BABAM2: variants seen among roughly 807,000 people sequenced by gnomAD.
BABAM2 encodes the protein BRISC and BRCA1-A complex member 2.
A neutral mutation model predicts 54.7 loss-of-function variants in BABAM2; 31 were observed. The ratio of observed to expected loss-of-function variants is 0.57; its 90% confidence interval spans 0.43 to 0.77. BABAM2 has a LOEUF of 0.77. Ranked by LOEUF, BABAM2 falls within the 30% of genes least tolerant of loss-of-function variation. The pLI is 0.00. For synonymous variants in BABAM2, 167 were observed against 162.9 expected, an observed-to-expected ratio of 1.03 and a Z score of -0.19; for missense variants, 364 against 455.8, an observed-to-expected ratio of 0.80 and a Z score of 1.83.
intron 3 of BABAM2, among the ~76,000 whole-genome samples, chr2:27,968,613 G>A (rs1344974876): frequency 6.6e-6 from 1 of 152,208 alleles, no homozygotes; most frequent in African/African-American, 2.4e-5. Flanking sequence ...CTGACAGCTT[G>A]CACCATGTGC....
intron 6 of BABAM2, among the ~76,000 whole-genome samples, chr2:28,088,835 G>A (rs933423288): frequency 6.6e-6 from 1 of 152,106 alleles, no homozygotes; most frequent in Non-Finnish European, 1.5e-5. Flanking sequence ...TATACCCACT[G>A]TCATCTCGAT....
intron 10 of BABAM2, among the ~76,000 whole-genome samples, chr2:28,286,332 GTGTC>G (rs1686808311): frequency 6.6e-6 from 1 of 152,146 alleles, no homozygotes; most frequent in South Asian, 2.1e-4. Flanking sequence ...TTATAGGAAA[GTGTC>G]TGCCACACTG....
At chr2:27,932,418 G>A (rs1668162103) in intron 3 of BABAM2, among the ~76,000 whole-genome samples, 1 of 151,952 alleles carries the variant, frequency 6.6e-6, no homozygotes, top group Admixed American at 6.6e-5. Context: ...TTATATTTTT[G>A]TTTATCATAT....
chr2:28,306,717 GAC>G (rs985810348), intron 11 of BABAM2, among the ~76,000 whole-genome samples: 3 of 150,018 alleles, frequency 2.0e-5, no homozygotes, highest in Admixed American at 1.3e-4. Flanking sequence ...TTTTTTTTGA[GAC>G]AGAGTCTCAC....
At chr2:28,262,424 T>A (rs1472632994) in intron 10 of BABAM2, among the ~76,000 whole-genome samples, 2 of 151,962 alleles carry the variant, frequency 1.3e-5, no homozygotes, top group African/African-American at 2.4e-5. Flanking sequence ...AAAAAGACAG[T>A]CCAGGCAAAA....
At chr2:28,185,730 T>G (rs1206049044) in intron 7 of BABAM2, among the ~76,000 whole-genome samples, 1 of 152,040 alleles carries the variant, frequency 6.6e-6, no homozygotes, top group Non-Finnish European at 1.5e-5. Flanking sequence ...AAGAATTATT[T>G]TTTTTGCTCT....
intron 3 of BABAM2, among the ~76,000 whole-genome samples, chr2:27,947,690 C>T (rs1014611346): frequency 5.9e-5 from 9 of 152,104 alleles, no homozygotes; most frequent in Admixed American, 3.3e-4. Context: ...TAATTCCATG[C>T]CACAAAGATT....
intron 10 of BABAM2, among the ~76,000 whole-genome samples, chr2:28,254,379 C>T (rs1283318896): frequency 6.6e-6 from 1 of 152,146 alleles, no homozygotes; most frequent in Admixed American, 6.5e-5. Flanking sequence ...TCAGGTGATC[C>T]TCCCGCCTCG....
intron 11 of BABAM2, among the ~76,000 whole-genome samples, chr2:28,321,006 A>G (rs150793888): frequency 3.1e-4 from 48 of 152,390 alleles, no homozygotes; most frequent in African/African-American, 1.1e-3. Flanking sequence ...CAAATGTTAT[A>G]TATATACCTA....
chr2:28,321,729 A>C (rs933300749), intron 11 of BABAM2, among the ~76,000 whole-genome samples: 22 of 152,088 alleles, frequency 1.4e-4, no homozygotes, highest in South Asian at 4.2e-4. Context: ...CCCAGAAATC[A>C]CTCTAGGGAG....
At chr2:28,062,575 CA>C (rs200543877) in intron 6 of BABAM2, among the ~76,000 whole-genome samples, 85,444 of 134,706 alleles carry the variant, frequency 0.63, 27,855 homozygotes, top group Middle Eastern at 0.79. Context: ...AAAAAAAAAC[CA>C]AAAAAAAAAA....
chr2:28,169,311 G>A (rs989564634), intron 7 of BABAM2, among the ~76,000 whole-genome samples: 4 of 152,116 alleles, frequency 2.6e-5, no homozygotes, highest in African/African-American at 7.2e-5. Flanking sequence ...GCAATGTTTA[G>A]CTATTCTGGA....
intron 4 of BABAM2, among the ~76,000 whole-genome samples, chr2:28,000,293 G>A (rs943803698): frequency 3.3e-5 from 5 of 151,806 alleles, no homozygotes; most frequent in African/African-American, 4.8e-5. Context: ...TATTTTCCTT[G>A]TTTTTGATAA....
Position 28,329,753 on chromosome 2 carries a change from A to G in BABAM2, c.1089-8697A>G, listed in dbSNP as rs1187821553. Among the ~76,000 whole-genome samples, 1 of 152,240 alleles carries G rather than the reference A, an allele frequency of 6.6e-6. No individual in the cohort carries two copies. Among genetic ancestry groups the G allele is most frequent in the East Asian group, 1.9e-4 (1 of 5,202 alleles). ...TTTACAGCTGAATTCTACCAGAGGTACAAAGAGGATCTGGTACCGTTTCTT... is the reference window on the plus strand; with the variant it reads ...TTTACAGCTGAATTCTACCAGAGGTGCAAAGAGGATCTGGTACCGTTTCTT... On this transcript the variant is annotated intron_variant, in intron 11 of 11. Coordinates refer to ENST00000379624, the MANE Select transcript of BABAM2 (RefSeq NM_199191.3). This position sits in a 1 kb window ranked among gnomAD's most constrained non-coding sequence, Gnocchi z 4.2.
chr2:28,122,074 G>A (rs2148752260), intron 6 of BABAM2, among the ~76,000 whole-genome samples: 1 of 152,140 alleles, frequency 6.6e-6, no homozygotes, highest in South Asian at 2.1e-4. Flanking sequence ...AAATTAGCTG[G>A]CCATGGTGGC....
intron 3 of BABAM2, among the ~76,000 whole-genome samples, chr2:27,983,432 G>C (rs1015704699): frequency 1.3e-5 from 2 of 151,928 alleles, no homozygotes; most frequent in African/African-American, 4.8e-5. Flanking sequence ...TATTTCTTTG[G>C]CTATTTGCAT....
chr2:28,171,696 C>T lies in BABAM2; in HGVS notation c.680+42316C>T, dbSNP rs565729179. On this transcript the variant is annotated intron_variant, in intron 7 of 11. Coordinates refer to ENST00000379624, the MANE Select transcript of BABAM2 (RefSeq NM_199191.3). ...ATTGGACTTTTGTGGTTGAGATTTTCATTTACCCCTTTCTTGGAGTACCTT... is the reference window on the plus strand; with the variant it reads ...ATTGGACTTTTGTGGTTGAGATTTTTATTTACCCCTTTCTTGGAGTACCTT... Among the ~76,000 whole-genome samples, 24 of 152,216 alleles carry T rather than the reference C, an allele frequency of 1.6e-4. 1 individual carries two copies. The South Asian group carries it at 4.8e-3, about 30-fold the overall frequency.
At chr2:28,182,392 G>A (rs1675741281) in intron 7 of BABAM2, among the ~76,000 whole-genome samples, 1 of 152,132 alleles carries the variant, frequency 6.6e-6, no homozygotes, top group South Asian at 2.1e-4. Flanking sequence ...ACTCTCCTGG[G>A]GATCTCACGG....
At chr2:27,942,170 C>G (rs1177194919) in intron 3 of BABAM2, among the ~76,000 whole-genome samples, 1 of 152,150 alleles carries the variant, frequency 6.6e-6, no homozygotes, top group Non-Finnish European at 1.5e-5. Flanking sequence ...TGCAGAGACA[C>G]TGTGGGGCTT....
Sources: allele counts gnomAD v4.1 joint callset (sites outside exome capture counted in the v4.1 genomes callset), GRCh38; gene constraint gnomAD v4.1.1; non-coding constraint Gnocchi (gnomAD v3.1); transcripts MANE v1.5; gene names NCBI Gene and HGNC (gene_info 2026-07-23, HGNC 2026-07-21).